Variants in GALNT13 observed in about 807,000 individuals in gnomAD.
GALNT13 encodes polypeptide N-acetylgalactosaminyltransferase 13.
In GALNT13, 28 loss-of-function variants were observed where a neutral mutation model predicts 64.2. The observed-to-expected ratio is 0.44, with a 90% CI of 0.32 to 0.60. The LOEUF (loss-of-function observed/expected upper bound fraction) is 0.60, where lower values mean the gene tolerates loss of function less well. Ranked by LOEUF, GALNT13 falls within the 20% of genes least tolerant of loss-of-function variation. The pLI is 0.05. For synonymous variants in GALNT13, 214 were observed against 224.6 expected (o/e 0.95, Z 0.42); for missense variants, 577 against 669.8 (o/e 0.86, Z 1.53).
chr2:153,680,606 A>G, the GALNT13 span, among the ~76,000 whole-genome samples: 2 of 151,898 alleles, frequency 1.3e-5, no homozygotes, highest in Admixed American at 1.3e-4. Flanking sequence ...CATAAACTTG[A>G]TCACATCTGA....
intron 9 of GALNT13, among the ~76,000 whole-genome samples, chr2:154,346,590 T>A (rs1006370720): frequency 6.6e-6 from 1 of 152,132 alleles, no homozygotes; most frequent in African/African-American, 2.4e-5. Flanking sequence ...TCTGCCACCA[T>A]GTAAAGTGTA....
chr2:153,757,780 T>C, the GALNT13 span, among the ~76,000 whole-genome samples: 2 of 152,210 alleles, frequency 1.3e-5, no homozygotes, highest in Non-Finnish European at 2.9e-5. Flanking sequence ...TTGAATGTCT[T>C]CTTTTAAGAA....
the GALNT13 span, among the ~76,000 whole-genome samples, chr2:153,849,350 C>T: frequency 6.6e-6 from 1 of 152,072 alleles, no homozygotes; most frequent in Admixed American, 6.6e-5. Flanking sequence ...AGAAATAAGA[C>T]TATAATGTCT....
At chr2:153,086,709 T>TTTAA in the GALNT13 span, among the ~76,000 whole-genome samples, 2 of 150,122 alleles carry the variant, frequency 1.3e-5, no homozygotes, top group Non-Finnish European at 3.0e-5. Context: ...TTTTATTTTA[T>TTTAA]TTTATTTATT....
the GALNT13 span, among the ~76,000 whole-genome samples, chr2:153,729,823 T>C: frequency 6.6e-6 from 1 of 151,930 alleles, no homozygotes; most frequent in Non-Finnish European, 1.5e-5. Flanking sequence ...AGCAATTGTA[T>C]ACACCAAAAA....
intron 4 of GALNT13, among the ~76,000 whole-genome samples, chr2:154,143,394 G>T (rs532077483): frequency 6.6e-6 from 1 of 151,996 alleles, no homozygotes; most frequent in South Asian, 2.1e-4. Context: ...GAGTGGCTAT[G>T]ATACTTATAT....
At chr2:153,526,646 C>G in the GALNT13 span, among the ~76,000 whole-genome samples, 1 of 152,158 alleles carries the variant, frequency 6.6e-6, no homozygotes, top group Non-Finnish European at 1.5e-5. Flanking sequence ...CAGACACAGA[C>G]AAATATGTAC....
At chr2:153,311,115 C>T in the GALNT13 span, among the ~76,000 whole-genome samples, 1 of 152,048 alleles carries the variant, frequency 6.6e-6, no homozygotes, top group Non-Finnish European at 1.5e-5. Context: ...TGACAGAATA[C>T]AAATTTTAAA....
chr2:153,252,208 T>A, the GALNT13 span, among the ~76,000 whole-genome samples: 2 of 147,098 alleles, frequency 1.4e-5, no homozygotes, highest in Non-Finnish European at 3.0e-5. Context: ...GATTTGCATT[T>A]CTCTGATGAC....
At chr2:153,307,694 A>T in the GALNT13 span, among the ~76,000 whole-genome samples, 1 of 152,122 alleles carries the variant, frequency 6.6e-6, no homozygotes, top group Non-Finnish European at 1.5e-5. Context: ...AAAAGTAATT[A>T]AAAAATCAAA....
chr2:153,114,005 A>G, the GALNT13 span, among the ~76,000 whole-genome samples: 17 of 152,064 alleles, frequency 1.1e-4, 2 homozygotes, highest in African/African-American at 3.4e-4. Flanking sequence ...TTTGTTGCCA[A>G]TACCAGCCAT....
intron 9 of GALNT13, among the ~76,000 whole-genome samples, chr2:154,371,863 C>T (rs575920126): frequency 6.6e-6 from 1 of 151,580 alleles, no homozygotes; most frequent in Non-Finnish European, 1.5e-5. Flanking sequence ...TAAAAATACT[C>T]ACCTATCCTT....
chr2:153,441,630 A>G, the GALNT13 span, among the ~76,000 whole-genome samples: 466 of 152,212 alleles, frequency 3.1e-3, 2 homozygotes, highest in African/African-American at 0.011. Flanking sequence ...TCCTTGAGCA[A>G]TGGTTTGCAG....
chr2:154,346,931 C>T (rs1696100337), intron 9 of GALNT13, among the ~76,000 whole-genome samples: 1 of 151,984 alleles, frequency 6.6e-6, no homozygotes, highest in African/African-American at 2.4e-5. Context: ...AGTAAACAAC[C>T]GTGGGTTTCA....
At chr2:154,332,648 ATC>A (rs2105198265) in intron 9 of GALNT13, among the ~76,000 whole-genome samples, 1 of 152,196 alleles carries the variant, frequency 6.6e-6, no homozygotes, top group Admixed American at 6.6e-5. Context: ...CAGAACATGA[ATC>A]TGTCTTCCGG....
intron 4 of GALNT13, among the ~76,000 whole-genome samples, chr2:154,194,898 T>C (rs2105764774): frequency 6.6e-6 from 1 of 151,594 alleles, no homozygotes; most frequent in Non-Finnish European, 1.5e-5. Context: ...GAGATTCATG[T>C]ACAGAACGTA....
At chr2:153,607,285 A>C in the GALNT13 span, among the ~76,000 whole-genome samples, 3 of 152,120 alleles carry the variant, frequency 2.0e-5, no homozygotes, top group Non-Finnish European at 4.4e-5. Context: ...TCACTGTTGA[A>C]TAATATTTAT....
chr2:153,561,669 G>GTGTGT, the GALNT13 span, among the ~76,000 whole-genome samples: 2 of 138,698 alleles, frequency 1.4e-5, no homozygotes, highest in Non-Finnish European at 1.6e-5. Context: ...GTGTGTGTGT[G>GTGTGT]GTGTGTATTA....
intron 3 of GALNT13, among the ~76,000 whole-genome samples, chr2:154,129,288 A>G (rs1682478685): frequency 2.0e-5 from 3 of 152,210 alleles, no homozygotes; most frequent in Non-Finnish European, 4.4e-5. Flanking sequence ...ATTATCAGGA[A>G]AGAAAGCAAA....
Sources: gnomAD v4.1 joint callset for allele counts (sites outside exome capture counted in the v4.1 genomes callset) on GRCh38, gnomAD v4.1.1 for gene constraint, MANE v1.5 for transcripts, NCBI Gene and HGNC (gene_info 2026-07-23, HGNC 2026-07-21) for gene names.